The following SKAP1 variants were observed in gnomAD, a reference collection of about 807,000 sequenced individuals.
SKAP1 encodes the protein src kinase associated phosphoprotein 1, also known as src kinase-associated phosphoprotein 1.
In SKAP1, 44 loss-of-function variants were observed where a neutral mutation model predicts 58.5. The ratio of observed to expected loss-of-function variants is 0.75; its 90% confidence interval spans 0.59 to 0.97. The LOEUF is 0.97. Ranked by LOEUF, SKAP1 falls within the 50% of genes least tolerant of loss-of-function variation. SKAP1 has a pLI of 0.00. For synonymous variants in SKAP1, 127 were observed against 149.7 expected, an observed-to-expected ratio of 0.85 and a Z score of 1.11; for missense variants, 390 against 435.2, an observed-to-expected ratio of 0.90 and a Z score of 0.92.
intron 1 of SKAP1, among the ~76,000 whole-genome samples, chr17:48,428,015 G>GT (rs1340369233): frequency 3.6e-4 from 55 of 151,756 alleles, no homozygotes; most frequent in African/African-American, 1.3e-3. Flanking sequence ...AATCCTCCTG[G>GT]TCTACACCAG....
At chr17:48,408,109 T>C (rs1375306532) in intron 1 of SKAP1, among the ~76,000 whole-genome samples, 1 of 152,190 alleles carries the variant, frequency 6.6e-6, no homozygotes, top group Non-Finnish European at 1.5e-5. Flanking sequence ...TTCTTTGTAC[T>C]TTTATATATA....
intron 2 of SKAP1, among the ~76,000 whole-genome samples, chr17:48,393,996 G>A (rs1254106166): frequency 1.3e-5 from 2 of 152,182 alleles, no homozygotes; most frequent in Non-Finnish European, 2.9e-5. Flanking sequence ...AGCATTTTGG[G>A]AAGCCAAGAC....
intron 4 of SKAP1, among the ~76,000 whole-genome samples, chr17:48,233,865 A>T (rs1023643420): frequency 1.3e-5 from 2 of 152,178 alleles, no homozygotes; most frequent in African/African-American, 4.8e-5. Flanking sequence ...TGAGAAAAAA[A>T]AAATGTTTAC....
chr17:48,345,998 T>C lies in SKAP1; in HGVS notation c.187A>G (p.Ile63Val). ...TTATCATCAGAGCTGTCCTGTCCAA[T>C]GTCTCCCCCTGAGGGACAAAAAAGA... ...YWDFQPQGGDIGQDSSDDNHS... is the reference protein window; with the variant it reads ...YWDFQPQGGDVGQDSSDDNHS... The change falls in exon 4 of 13, where the codon ATT becomes GTT. Residue 63 changes from isoleucine to valine, a missense_variant. By Grantham distance (29) the Ile-to-Val change is conservative (BLOSUM62 3). Coordinates refer to ENST00000336915, the MANE Select transcript of SKAP1 (RefSeq NM_003726.4). 1 of 1,602,710 alleles carries C rather than the reference T, an allele frequency of 6.2e-7. No homozygotes were observed. The highest frequency in any genetic ancestry group is 8.5e-7 in the Non-Finnish European group (1 of 1,174,348).
chr17:48,206,974 T>A (rs2143649085), intron 4 of SKAP1, among the ~76,000 whole-genome samples: 1 of 152,252 alleles, frequency 6.6e-6, no homozygotes, highest in South Asian at 2.1e-4. Context: ...AAGAACTATA[T>A]GCATACATTA....
At chr17:48,232,874 A>T (rs1472824834) in intron 4 of SKAP1, among the ~76,000 whole-genome samples, 5 of 152,216 alleles carry the variant, frequency 3.3e-5, no homozygotes, top group African/African-American at 1.2e-4. Context: ...CAGAATAATG[A>T]TTAACTACAG....
intron 4 of SKAP1, among the ~76,000 whole-genome samples, chr17:48,282,763 C>T (rs563872622): frequency 6.6e-6 from 1 of 150,702 alleles, no homozygotes; most frequent in African/African-American, 2.4e-5. Context: ...AGTGACAGAG[C>T]AAGATCTGGT....
At chr17:48,441,293 T>A in the SKAP1 span, among the ~76,000 whole-genome samples, 2 of 152,116 alleles carry the variant, frequency 1.3e-5, no homozygotes, top group African/African-American at 4.8e-5. Context: ...CCCTTTTACC[T>A]ACAGAGAGAA....
At chr17:48,384,432 T>C (rs988771338) in intron 2 of SKAP1, among the ~76,000 whole-genome samples, 5 of 151,976 alleles carry the variant, frequency 3.3e-5, no homozygotes, top group Admixed American at 2.0e-4. Context: ...CCTAAACAAG[T>C]GGAAGTTAAT....
rs187368052 is a variant in SKAP1, at chr17:48,200,532, C to G, written c.281-11032G>C. Among the ~76,000 whole-genome samples the G allele has an allele frequency of 7.4e-3, 1,118 of 152,104 alleles. 9 individuals carry two copies. Among genetic ancestry groups the G allele is most frequent in the South Asian group, 0.015 (72 of 4,816 alleles). ...AGCTGGGATTACAAGTGCCCACCAC[C>G]ATGCCCAGCTAATTTTTGTATTTTT... On this transcript the variant is annotated intron_variant, in intron 4 of 12. Coordinates refer to ENST00000336915, the MANE Select transcript of SKAP1 (RefSeq NM_003726.4).
At chr17:48,326,451 A>G (rs1434786496) in intron 4 of SKAP1, among the ~76,000 whole-genome samples, 1 of 152,210 alleles carries the variant, frequency 6.6e-6, no homozygotes, top group Non-Finnish European at 1.5e-5. Context: ...GTGCTTCAGA[A>G]TTGATTGGAA....
At chr17:48,237,396 G>A (rs777745006) in intron 4 of SKAP1, among the ~76,000 whole-genome samples, 2 of 152,106 alleles carry the variant, frequency 1.3e-5, no homozygotes, top group Non-Finnish European at 2.9e-5. Context: ...AAATGTTCTG[G>A]TCAAAACTGA....
At chr17:48,373,412 T>TG (rs2067111814) in intron 2 of SKAP1, among the ~76,000 whole-genome samples, 1 of 152,158 alleles carries the variant, frequency 6.6e-6, no homozygotes, top group East Asian at 1.9e-4. Context: ...AGATGAGATT[T>TG]GGGTGGGGGG....
chr17:48,227,300 T>C (rs1160023601), intron 4 of SKAP1, among the ~76,000 whole-genome samples: 1 of 152,204 alleles, frequency 6.6e-6, no homozygotes, highest in Non-Finnish European at 1.5e-5. Flanking sequence ...TGACACAAAG[T>C]AGTTCTGCAA....
intron 1 of SKAP1, among the ~76,000 whole-genome samples, chr17:48,401,135 G>A (rs1265169099): frequency 3.3e-5 from 5 of 152,016 alleles, no homozygotes; most frequent in Admixed American, 2.6e-4. Context: ...GAGAAACCCT[G>A]TCTCTACTAA....
At chr17:48,264,679 T>C (rs570765572) in intron 4 of SKAP1, among the ~76,000 whole-genome samples, 4 of 152,104 alleles carry the variant, frequency 2.6e-5, no homozygotes, top group East Asian at 3.9e-4. Context: ...AAATTTTCTA[T>C]AGATGATGAA....
chr17:48,294,203 T>C (rs962798461), intron 4 of SKAP1: 2 of 152,158 alleles, frequency 1.3e-5, no homozygotes, highest in South Asian at 2.1e-4. Flanking sequence ...AAAAATCAAA[T>C]TCTCGTTGGA....
chr17:48,176,640 T>C (rs2064294290), intron 9 of SKAP1, among the ~76,000 whole-genome samples: 1 of 152,196 alleles, frequency 6.6e-6, no homozygotes, highest in Non-Finnish European at 1.5e-5. Flanking sequence ...GAAACCATAT[T>C]TTCCAGGACT....
chr17:48,271,256 G>A (rs1459421843), intron 4 of SKAP1, among the ~76,000 whole-genome samples: 1 of 150,474 alleles, frequency 6.6e-6, no homozygotes, highest in Non-Finnish European at 1.5e-5. Context: ...AGTACCAACA[G>A]TTTTTAAATT....
Sources: gnomAD v4.1 joint callset for allele counts (sites outside exome capture counted in the v4.1 genomes callset) on GRCh38, gnomAD v4.1.1 for gene constraint, MANE v1.5 for transcripts, NCBI Gene and HGNC (gene_info 2026-07-23, HGNC 2026-07-21) for gene names.